RHOT1: variants seen among roughly 807,000 people sequenced by gnomAD.
RHOT1 encodes ras homolog family member T1.
Under a neutral mutation model 95.3 loss-of-function variants are expected in RHOT1, and 27 were observed. That is an observed-to-expected ratio of 0.28 (90% CI 0.21 to 0.39). The LOEUF is 0.39. RHOT1 is among the 10% of genes least tolerant of loss of function. RHOT1 has a pLI of 1.00. For missense variants in RHOT1, 578 were observed against 786.7 expected (o/e 0.73, Z 3.17); for synonymous variants, 227 against 263.5 (o/e 0.86, Z 1.34).
rs2030526387 is a variant in RHOT1, at chr17:32,142,686, C to T, written c.-7C>T. On this transcript the variant is annotated 5_prime_UTR_variant, in exon 1 of 20. Coordinates refer to ENST00000545287, the MANE Select transcript of RHOT1 (RefSeq NM_001033566.3). The stretch of plus-strand genomic sequence containing the variant: ...CGGGCGGAGGCCGGCCCCCGAGAGC[C>T]GCCGACATGAAGAAAGACGTGCGGA... 1.3e-6 allele frequency: 2 copies of T among 1,531,058 alleles called. No individual in the cohort carries two copies. The highest frequency in any genetic ancestry group is 8.8e-7 in the Non-Finnish European group (1 of 1,139,946). 94.8% of individuals were successfully genotyped at this position (1,531,058 alleles called of 1,614,324 possible). A position where few individuals can be genotyped will look rare whatever the true frequency, so the allele number is the denominator to read the frequency against.
At chr17:32,219,634 G>A (rs1285393536) in intron 19 of RHOT1, among the ~76,000 whole-genome samples, 1 of 152,080 alleles carries the variant, frequency 6.6e-6, no homozygotes, top group Non-Finnish European at 1.5e-5. Flanking sequence ...GCATTATTAA[G>A]TAGTGGCCTT....
intron 1 of RHOT1, among the ~76,000 whole-genome samples, chr17:32,167,196 CTT>C (rs576229727): frequency 1.9e-4 from 27 of 145,544 alleles, no homozygotes; most frequent in Non-Finnish European, 3.0e-4. Context: ...TGAAAGGAAT[CTT>C]TTTTTTTTTT....
Position 32,145,487 on chromosome 17 carries a change from TG to T in RHOT1, c.37+2760del, listed in dbSNP as rs201672207. 9.5e-3 allele frequency among the ~76,000 whole-genome samples: 1,453 copies of T among 152,336 alleles called. 17 individuals carry two copies. The highest frequency in any genetic ancestry group is 0.033 in the African/African-American group (1,390 of 41,574). ...CTGGTTTGTCTAACTCTGATTATCA[TG>T]GCAACCTCTGCCAAACTACTTCAAA... On this transcript the variant is annotated intron_variant, in intron 1 of 19. Transcript: ENST00000545287.
intron 16 of RHOT1, 135 bp downstream of exon 16, chr17:32,204,108 T>G (rs551420696): frequency 1.5e-6 from 1 of 646,326 alleles, no homozygotes; most frequent in East Asian, 2.8e-5. Flanking sequence ...TTAATTTTTT[T>G]TAGAGACACG....
chr17:32,178,339 G>A (rs978758013), intron 6 of RHOT1, among the ~76,000 whole-genome samples: 3 of 151,952 alleles, frequency 2.0e-5, no homozygotes, highest in Non-Finnish European at 4.4e-5. Context: ...TTCCAGGCAC[G>A]TGCCACCACT....
At position 32,149,635 on chromosome 17, in the gene RHOT1, A is replaced by ATATATG. The variant is rs1445281403; in HGVS notation, c.37+6907_37+6908insATATGT. 4.8e-3 allele frequency among the ~76,000 whole-genome samples: 282 copies of ATATATG among 58,870 alleles called. 2 individuals are homozygous for ATATATG. The highest frequency in any genetic ancestry group is 0.015 in the Middle Eastern group (1 of 66). The allele number at this position is 58,870 out of a possible 152,430, so 38.6% of individuals were successfully genotyped here. On this transcript the variant is annotated intron_variant, in intron 1 of 19. Transcript: ENST00000545287. ...TATATATATATATATATATATATAT[A>ATATATG]TGTGTGTGTGTGTGTGTGTGTGTGT...
Position 32,214,602 on chromosome 17 carries a change from A to C in RHOT1, c.1862+3364A>C, listed in dbSNP as rs923002599. Among the ~76,000 whole-genome samples, 5 of 152,076 alleles carry C rather than the reference A, an allele frequency of 3.3e-5. No homozygotes were observed. In the East Asian group the frequency reaches 7.7e-4, roughly 23 times the overall value. On this transcript the variant is annotated intron_variant, in intron 19 of 19. Transcript: ENST00000545287. ...TCCTTTCCCATGAAAAATTTGAAAA[A>C]GTTATTGGGTGGTGGGATGAGAATG...
chr17:32,176,477 G>A (rs1463611240), intron 6 of RHOT1, among the ~76,000 whole-genome samples: 2 of 152,084 alleles, frequency 1.3e-5, no homozygotes, highest in East Asian at 3.9e-4. Context: ...CACAACTTCA[G>A]ACAGATTATT....
At chr17:32,193,051 A>G (rs1236504712) in intron 9 of RHOT1, 85 bp from the exon 10 acceptor site, 9 of 792,748 alleles carry the variant, frequency 1.1e-5, no homozygotes, top group African/African-American at 3.6e-5. Context: ...CATGGATTTA[A>G]TATTGCTTTG....
chr17:32,196,275 CG>C (rs2036883159), intron 11 of RHOT1, among the ~76,000 whole-genome samples: 1 of 150,904 alleles, frequency 6.6e-6, no homozygotes, highest in South Asian at 2.1e-4. Context: ...ACTGTGGCCT[CG>C]GCCTCCTGGG....
At chr17:32,175,896 C>T (rs1346225032) in intron 4 of RHOT1, 66 bp from the exon 5 acceptor site, 4 of 1,059,938 alleles carry the variant, frequency 3.8e-6, no homozygotes, top group Non-Finnish European at 5.4e-6. Flanking sequence ...TAATAAGTTG[C>T]TAATTAAGTG....
chr17:32,153,559 C>A (rs1441120368), intron 1 of RHOT1, among the ~76,000 whole-genome samples: 1 of 152,200 alleles, frequency 6.6e-6, no homozygotes, highest in Non-Finnish European at 1.5e-5. Flanking sequence ...ACTTGGGAAG[C>A]TGAGGCGAGA....
intron 1 of RHOT1, chr17:32,151,100 C>A (rs2032229574): frequency 4.2e-6 from 4 of 944,540 alleles, no homozygotes; most frequent in Non-Finnish European, 7.0e-6. Flanking sequence ...GCCAGGTTAT[C>A]ATCTCACATC....
Position 32,225,515 on chromosome 17 carries a change from G to A in RHOT1, c.*782G>A, listed in dbSNP as rs1196110840. 3 of 152,516 alleles carry A rather than the reference G, an allele frequency of 2.0e-5. No homozygotes were observed. Among genetic ancestry groups the A allele is most frequent in the Non-Finnish European group, 2.9e-5 (2 of 68,020 alleles). The allele number at this position is 152,516 out of a possible 1,614,324, so 9.4% of individuals were successfully genotyped here. A position where few individuals can be genotyped will look rare whatever the true frequency, so the allele number is the denominator to read the frequency against. Reference sequence around the variant, plus strand: ...TTACTACTGTTGAATTTCATCCCAAGTGTAAATCATTCTATAATGGCTGTG... The same window carrying A: ...TTACTACTGTTGAATTTCATCCCAAATGTAAATCATTCTATAATGGCTGTG... On this transcript the variant is annotated 3_prime_UTR_variant, in exon 20 of 20. Coordinates refer to ENST00000545287, the MANE Select transcript of RHOT1 (RefSeq NM_001033566.3).
chr17:32,203,149 AAC>A (rs1279247327), intron 15 of RHOT1, among the ~76,000 whole-genome samples: 1 of 152,128 alleles, frequency 6.6e-6, no homozygotes, highest in Non-Finnish European at 1.5e-5. Context: ...GAAAGCACCT[AAC>A]ACAGTCCTTG....
intron 19 of RHOT1, among the ~76,000 whole-genome samples, chr17:32,215,851 CAG>C (rs1598467263): frequency 1.3e-5 from 2 of 152,068 alleles, no homozygotes; most frequent in African/African-American, 4.8e-5. Context: ...TGAGCTCACT[CAG>C]ATCTGGATAG....
intron 1 of RHOT1, among the ~76,000 whole-genome samples, chr17:32,149,635 A>ATATATATGTGTGTGTG (rs1445281403): frequency 5.1e-5 from 3 of 59,096 alleles, no homozygotes; most frequent in African/African-American, 1.1e-4. Flanking sequence ...ATATATATAT[A>ATATATATGTGTGTGTG]TGTGTGTGTG....
intron 1 of RHOT1, among the ~76,000 whole-genome samples, chr17:32,149,633 A>ATGTGTG (rs1233010217): frequency 6.2e-5 from 5 of 81,280 alleles, no homozygotes; most frequent in Non-Finnish European, 7.5e-5. Flanking sequence ...ATATATATAT[A>ATGTGTG]TATGTGTGTG....
At chr17:32,200,343 A>G (rs1191299468) in intron 13 of RHOT1, among the ~76,000 whole-genome samples, 3 of 151,824 alleles carry the variant, frequency 2.0e-5, no homozygotes, top group African/African-American at 7.3e-5. Flanking sequence ...TCCCCACTCT[A>G]TCTAGATTTT....
Sources: gnomAD v4.1 joint callset for allele counts (sites outside exome capture counted in the v4.1 genomes callset) on GRCh38, gnomAD v4.1.1 for gene constraint, MANE v1.5 for transcripts, NCBI Gene and HGNC (gene_info 2026-07-23, HGNC 2026-07-21) for gene names.